RNF13: variants seen among roughly 807,000 people sequenced by gnomAD.
The protein encoded by RNF13 is ring finger protein 13.
In RNF13, 19 loss-of-function variants were observed where a neutral mutation model predicts 37.7. The ratio of observed to expected loss-of-function variants is 0.50; its 90% CI spans 0.35 to 0.74. The LOEUF is 0.74. Ranked by LOEUF, RNF13 falls within the 30% of genes least tolerant of loss-of-function variation. The pLI, the probability that RNF13 is intolerant of heterozygous loss-of-function variation, is 0.01. For missense variants in RNF13, 375 were observed against 453.0 expected, an observed-to-expected ratio of 0.83 and a Z score of 1.56; for synonymous variants, 144 against 157.8, an observed-to-expected ratio of 0.91 and a Z score of 0.65.
chr3:149,936,810 T>C (rs187957849), intron 8 of RNF13, among the ~76,000 whole-genome samples: 1 of 152,262 alleles, frequency 6.6e-6, no homozygotes, highest in Non-Finnish European at 1.5e-5. Context: ...TCATATTGAT[T>C]TGTTATTTAT....
At chr3:149,865,896 G>A (rs1724764657) in intron 3 of RNF13, among the ~76,000 whole-genome samples, 1 of 152,134 alleles carries the variant, frequency 6.6e-6, no homozygotes, top group African/African-American at 2.4e-5. Flanking sequence ...TGAGTCTATA[G>A]AGTAAAGTGA....
chr3:149,847,461 A>T (rs1193563125), intron 2 of RNF13, among the ~76,000 whole-genome samples: 5 of 152,120 alleles, frequency 3.3e-5, no homozygotes, highest in African/African-American at 1.2e-4. Flanking sequence ...ATTCTGGAAG[A>T]TTCTGAGATC....
At chr3:149,936,633 TG>T (rs1719712860) in intron 8 of RNF13, among the ~76,000 whole-genome samples, 1 of 152,124 alleles carries the variant, frequency 6.6e-6, no homozygotes, top group Non-Finnish European at 1.5e-5. Context: ...TCTGCTATCT[TG>T]GAGTTCCCCA....
chr3:149,915,215 C>T (rs1168503167), intron 7 of RNF13, among the ~76,000 whole-genome samples: 2 of 152,030 alleles, frequency 1.3e-5, no homozygotes, highest in African/African-American at 4.8e-5. Context: ...GGGGATAAAT[C>T]CTGTTTATGA....
chr3:149,935,886 CTT>C (rs1008325673), intron 8 of RNF13, among the ~76,000 whole-genome samples: 2 of 152,050 alleles, frequency 1.3e-5, no homozygotes, highest in African/African-American at 4.8e-5. Flanking sequence ...TGTTAGTGTC[CTT>C]TTGTTCCAGA....
chr3:149,845,954 G>A, intron 1 of RNF13, 57 bp from the exon 2 acceptor site: 1 of 871,088 alleles, frequency 1.1e-6, no homozygotes, highest in Non-Finnish European at 1.9e-6. Context: ...TATATCAAAT[G>A]ATCTATTCCC....
chr3:149,879,498 GGGTCTTGTTATGTTGCTCAGACT>G (rs1380448925), intron 4 of RNF13, among the ~76,000 whole-genome samples: 1 of 151,716 alleles, frequency 6.6e-6, no homozygotes, highest in Non-Finnish European at 1.5e-5. Flanking sequence ...TGTTGAGAGG[GGGTCTTGTTATGTTGCTCAGACT>G]GGTCTCAAAC....
intron 3 of RNF13, among the ~76,000 whole-genome samples, chr3:149,865,406 C>T (rs1330560735): frequency 6.7e-6 from 1 of 149,778 alleles, no homozygotes; most frequent in African/African-American, 2.5e-5. Context: ...ATAGTAAAAG[C>T]AGGAATATTT....
At chr3:149,850,866 G>GT (rs1222279330) in intron 2 of RNF13, among the ~76,000 whole-genome samples, 10 of 152,152 alleles carry the variant, frequency 6.6e-5, no homozygotes, top group Admixed American at 1.3e-4. Flanking sequence ...GTGATAATGG[G>GT]TTTAAAAGCA....
At chr3:149,876,870 C>T (rs1712770635) in intron 4 of RNF13, among the ~76,000 whole-genome samples, 1 of 150,774 alleles carries the variant, frequency 6.6e-6, no homozygotes, top group African/African-American at 2.5e-5. Flanking sequence ...CCTCTGCCTC[C>T]CGGGTTCAAG....
chr3:149,830,639 A>C (rs1472782341), intron 1 of RNF13, among the ~76,000 whole-genome samples: 1 of 140,574 alleles, frequency 7.1e-6, no homozygotes, highest in Non-Finnish European at 1.5e-5. Context: ...ATAAAAGTTC[A>C]GAAAACTTGC....
intron 8 of RNF13, among the ~76,000 whole-genome samples, chr3:149,923,438 T>G (rs925251564): frequency 1.3e-5 from 2 of 152,038 alleles, no homozygotes; most frequent in Admixed American, 1.3e-4. Context: ...AGATTAGGAA[T>G]TACTTTTTTA....
At position 149,938,490 on chromosome 3, in the gene RNF13, T is replaced by A. The variant is rs190677011; in HGVS notation, c.700+17263T>A. Among the ~76,000 whole-genome samples the A allele has an allele frequency of 3.8e-3, 570 of 151,164 alleles. 1 individual carries two copies. Among genetic ancestry groups the A allele is most frequent in the African/African-American group, 7.0e-3 (290 of 41,256 alleles). ...GCCTGGCCATATTGTTATTATTATT[T>A]TTTTTTTTTTTGGAGAATTGATCCC... is the stretch of plus-strand genomic sequence containing the variant. On this transcript the variant is annotated intron_variant, in intron 8 of 9. Transcript: ENST00000392894.
At chr3:149,939,293 A>G (rs1360477970) in intron 8 of RNF13, 9 of 466,894 alleles carry the variant, frequency 1.9e-5, no homozygotes, top group South Asian at 8.3e-5. Context: ...AATCATCATC[A>G]TCGTCATTTT....
At chr3:149,949,093 G>A (rs534241911) in intron 8 of RNF13, among the ~76,000 whole-genome samples, 11 of 151,646 alleles carry the variant, frequency 7.3e-5, no homozygotes, top group Non-Finnish European at 1.5e-4. Context: ...AATAATACAG[G>A]ATTCTATATT....
chr3:149,947,301 CTG>C lies in RNF13; in HGVS notation c.701-12751_701-12750del, dbSNP rs374111965. 4.2e-3 allele frequency among the ~76,000 whole-genome samples: 632 copies of C among 152,002 alleles called. 5 individuals carry two copies. Among genetic ancestry groups the C allele is most frequent in the African/African-American group, 0.012 (500 of 41,484 alleles). ...TGGTCTAAAGAGTTATTCAAGTCAT[CTG>C]TGTCTTCTGTTTGATCTTCTGTCTG... On this transcript the variant is annotated intron_variant, in intron 8 of 9. Coordinates refer to ENST00000392894, the MANE Select transcript of RNF13 (RefSeq NM_183381.3).
chr3:149,856,466 C>T (rs1431102630), intron 3 of RNF13, among the ~76,000 whole-genome samples: 2 of 138,390 alleles, frequency 1.4e-5, no homozygotes, highest in Admixed American at 1.5e-4. Flanking sequence ...TTTTTTGAGA[C>T]AGAGTCTCGC....
At chr3:149,878,505 C>T (rs1362405293) in intron 4 of RNF13, among the ~76,000 whole-genome samples, 3 of 152,128 alleles carry the variant, frequency 2.0e-5, no homozygotes, top group Non-Finnish European at 4.4e-5. Flanking sequence ...GGATTGCTTG[C>T]TATAATTCTG....
intron 7 of RNF13, among the ~76,000 whole-genome samples, chr3:149,918,869 T>A (rs1717826900): frequency 6.6e-6 from 1 of 152,098 alleles, no homozygotes; most frequent in Admixed American, 6.6e-5. Context: ...TCCTAATGTA[T>A]CATTCAGTTT....
Sources: allele counts gnomAD v4.1 joint callset (sites outside exome capture counted in the v4.1 genomes callset), GRCh38; gene constraint gnomAD v4.1.1; transcripts MANE v1.5; gene names NCBI Gene and HGNC (gene_info 2026-07-23, HGNC 2026-07-21).